Variants in RAD23A observed in about 807,000 individuals in gnomAD.
The protein encoded by RAD23A is RAD23 nucleotide excision repair protein A.
Under a neutral mutation model 44.8 loss-of-function variants are expected in RAD23A, and 16 were observed. The observed-to-expected ratio is 0.36, with a 90% CI of 0.24 to 0.54. The LOEUF (loss-of-function observed/expected upper bound fraction) is 0.54, where lower values mean the gene tolerates loss of function less well. Among genes scored for constraint, RAD23A ranks in the 20% least tolerant of loss-of-function variants. RAD23A has a pLI of 0.89. For missense variants in RAD23A, 380 were observed against 483.3 expected, an observed-to-expected ratio of 0.79 and a Z score of 2.00; for synonymous variants, 217 against 202.9, an observed-to-expected ratio of 1.07 and a Z score of -0.59.
chr19:12,953,341 C>T lies in RAD23A; in HGVS notation c.*292C>T. On this transcript the variant is annotated 3_prime_UTR_variant, in exon 9 of 9. Coordinates refer to ENST00000586534, the MANE Select transcript of RAD23A (RefSeq NM_005053.4). The stretch of plus-strand genomic sequence containing the variant: ...CCCTCTTGGCCTCTGTCCCAGCTCT[C>T]TGCAGCCAGACGGAAAGGCGGCTGC... 1 of 239,830 alleles carries T rather than the reference C, an allele frequency of 4.2e-6. No homozygotes were observed. Among genetic ancestry groups the T allele is most frequent in the Non-Finnish European group, 7.8e-6 (1 of 127,732 alleles). 14.9% of individuals were successfully genotyped at this position (239,830 alleles called of 1,614,324 possible).
At chr19:12,946,080 CGGG>C in intron 1 of RAD23A, 60 bp downstream of exon 1, 1 of 198,782 alleles carries the variant, frequency 5.0e-6, no homozygotes, top group Non-Finnish European at 9.2e-6. Context: ...GGGGTGGGGG[CGGG>C]GAGGCTAGAA....
chr19:12,947,410 C>T (rs1211144208), intron 1 of RAD23A, among the ~76,000 whole-genome samples: 2 of 152,192 alleles, frequency 1.3e-5, no homozygotes, highest in East Asian at 1.9e-4. Flanking sequence ...TGGGCGGCAG[C>T]GAGATCCTGC....
At chr19:12,952,340 T>C (rs1971836000) in intron 7 of RAD23A, 1 of 193,630 alleles carries the variant, frequency 5.2e-6, no homozygotes, top group African/African-American at 2.4e-5. Context: ...TACAGGCGTC[T>C]GCCACCACAC....
In RAD23A at chr19:12,952,953, C is replaced by T. The variant is rs1971857295; in HGVS notation, c.996C>T (p.Phe332=). 1 of 1,613,898 alleles carries T rather than the reference C, an allele frequency of 6.2e-7. No homozygotes were observed. Among genetic ancestry groups the T allele is most frequent in the Non-Finnish European group, 8.5e-7 (1 of 1,179,988 alleles). Residue 332 remains phenylalanine (F), a synonymous_variant, in exon 9 of 9, where the codon TTC becomes TTT. Coordinates refer to ENST00000586534, the MANE Select transcript of RAD23A (RefSeq NM_005053.4). Reference sequence around the variant, plus strand: ...TCCCACAGTTGAAGGCCCTGGGCTTCCCAGAGAGCCTGGTCATCCAGGCCT... The same window carrying T: ...TCCCACAGTTGAAGGCCCTGGGCTTTCCAGAGAGCCTGGTCATCCAGGCCT... ...EAIERLKALG[F]PESLVIQAYF... is the part of the protein sequence containing the mutation.
Position 12,948,547 on chromosome 19 carries a change from C to T in RAD23A, c.467C>T (p.Thr156Met), listed in dbSNP as rs1030984404. 7 of 1,594,182 alleles carry T rather than the reference C, an allele frequency of 4.4e-6. No homozygotes were observed. The highest frequency in any genetic ancestry group is 1.1e-5 in the South Asian group (1 of 88,812). Reference sequence around the variant, plus strand: ...GGGCGAGAGGAAGACGCGGCCTCCACGCTAGGTGGGTGGGTGGTCCCCAGG... The same window carrying T: ...GGGCGAGAGGAAGACGCGGCCTCCATGCTAGGTGGGTGGGTGGTCCCCAGG... ...SSGREEDAAS[T>M]LVTGSEYETM... Residue 156 changes from threonine (T) to methionine (M), a missense_variant, in exon 4 of 9, where the codon ACG becomes ATG. By Grantham distance (81) the Thr-to-Met change is moderately conservative. Around this residue, in one of 3 missense-constraint regions of RAD23A, gnomAD observed 279 missense variants for 313.7 expected, o/e 0.89. Transcript: ENST00000586534. The surrounding 1 kb of genome is among the most constrained non-coding windows in gnomAD (Gnocchi z 5.5).
chr19:12,952,133 G>A (rs1302136971), intron 7 of RAD23A, among the ~76,000 whole-genome samples: 3 of 152,174 alleles, frequency 2.0e-5, no homozygotes, highest in Admixed American at 2.0e-4. Context: ...ATATTGGCCA[G>A]GCTGGTCTCG....
intron 1 of RAD23A, among the ~76,000 whole-genome samples, chr19:12,947,250 C>CT (rs1491438497): frequency 2.7e-3 from 84 of 30,792 alleles, no homozygotes; most frequent in African/African-American, 6.0e-3. Context: ...TAGGGAGACT[C>CT]TTATCTACAA....
chr19:12,946,926 G>T (rs555919600), intron 1 of RAD23A, among the ~76,000 whole-genome samples: 2 of 152,236 alleles, frequency 1.3e-5, no homozygotes, highest in South Asian at 4.1e-4. Flanking sequence ...TGAACCGGTC[G>T]CCTGCTGGCT....
intron 1 of RAD23A, among the ~76,000 whole-genome samples, chr19:12,947,267 ATTATTT>A (rs1971695678): frequency 6.6e-6 from 1 of 152,042 alleles, no homozygotes; most frequent in South Asian, 2.1e-4. Context: ...ACAAAAAAAA[ATTATTT>A]TTAATTAGTC....
At position 12,948,696 on chromosome 19, in the gene RAD23A, T is replaced by C; in HGVS notation, c.483T>C (p.Ser161=). 1 of 1,612,650 alleles carries C rather than the reference T, an allele frequency of 6.2e-7. No individual in the cohort carries two copies. Among genetic ancestry groups the C allele is most frequent in the African/African-American group, 1.3e-5 (1 of 74,990 alleles). ...CTGCTTCCTCCACAGTGACGGGCTC[T>C]GAGTATGAGACGATGCTGACGGAGA... ...EDAASTLVTG[S]EYETMLTEIM... The change falls in exon 5 of 9, where the codon TCT becomes TCC. Residue 161 remains serine, a synonymous_variant. Transcript: ENST00000586534. The surrounding 1 kb of genome is among the most constrained non-coding windows in gnomAD (Gnocchi z 5.5).
chr19:12,953,249 C>T lies in RAD23A; in HGVS notation c.*200C>T, dbSNP rs1971865409. On this transcript the variant is annotated 3_prime_UTR_variant, in exon 9 of 9. Transcript: ENST00000586534. ...CCATCTCCCGGGCCAGACAGCTGTC[C>T]CCCCGTCCTCCTCCCCAGCCCAGCC... 4.7e-6 allele frequency: 2 copies of T among 423,236 alleles called. No homozygotes were observed. The highest frequency in any genetic ancestry group is 3.9e-5 in the East Asian group (1 of 25,338). The allele number at this position is 423,236 out of a possible 1,614,324, so 26.2% of individuals were successfully genotyped here.
At chr19:12,950,462 T>C (rs1250677107) in intron 7 of RAD23A, among the ~76,000 whole-genome samples, 1 of 152,010 alleles carries the variant, frequency 6.6e-6, no homozygotes, top group East Asian at 1.9e-4. Context: ...TGGAGTGCAA[T>C]GGCGCAATCC....
At chr19:12,946,074 T>TTGGGGGGGTGGGGGGGGGGGGGG in intron 1 of RAD23A, 54 bp downstream of exon 1, 1 of 131,766 alleles carries the variant, frequency 7.6e-6, no homozygotes, top group Non-Finnish European at 1.4e-5. Context: ...GGGGGTGGGG[T>TTGGGGGGGTGGGGGGGGGGGGGG]GGGGGCGGGG....
Position 12,948,090 on chromosome 19 carries a change from G to A in RAD23A, c.234+81G>A. The A allele has an allele frequency of 1.9e-6, 3 of 1,607,676 alleles. No homozygotes were observed. The South Asian group carries it at 3.3e-5, about 18-fold the overall frequency. On this transcript the variant is annotated intron_variant, in intron 2 of 8. Coordinates refer to ENST00000586534, the MANE Select transcript of RAD23A (RefSeq NM_005053.4). This position sits in a 1 kb window ranked among gnomAD's most constrained non-coding sequence, Gnocchi z 5.5. ...GAGCCTGTGTGCCCAGGAGAGATTAGCTGTGAACAGGGCGGGGCCACAGCG... is the reference window on the plus strand; with the variant it reads ...GAGCCTGTGTGCCCAGGAGAGATTAACTGTGAACAGGGCGGGGCCACAGCG...
chr19:12,946,084 G>GGGGGGGGGGGGGC lies in RAD23A; in HGVS notation c.72+64_72+65insGGGGGGGGGGGGC. 98 of 512,006 alleles carry GGGGGGGGGGGGGC rather than the reference G, an allele frequency of 1.9e-4. 1 individual carries two copies. The highest frequency in any genetic ancestry group is 5.9e-4 in the Middle Eastern group (1 of 1,690). 31.7% of individuals were successfully genotyped at this position (512,006 alleles called of 1,614,324 possible). ...GTTTCGGGGGTGGGGTGGGGGCGGG[G>GGGGGGGGGGGGGC]AGGCTAGAATCCCAACGGGAGGGGC... On this transcript the variant is annotated intron_variant, in intron 1 of 8. Coordinates refer to ENST00000586534, the MANE Select transcript of RAD23A (RefSeq NM_005053.4).
In RAD23A at chr19:12,948,115, G is replaced by C. The variant is rs1034367117; in HGVS notation, c.235-62G>C. ...GCTGTGAACAGGGCGGGGCCACAGC[G>C]GAGCGGGTTGTTGGGTCTGATAGGG... On this transcript the variant is annotated intron_variant, in intron 2 of 8. Coordinates refer to ENST00000586534, the MANE Select transcript of RAD23A (RefSeq NM_005053.4). This position sits in a 1 kb window ranked among gnomAD's most constrained non-coding sequence, Gnocchi z 5.5. The C allele has an allele frequency of 1.9e-6, 3 of 1,609,042 alleles. No individual in the cohort carries two copies. In the Admixed American group the frequency reaches 5.0e-5, roughly 27 times the overall value.
chr19:12,953,263 C>G lies in RAD23A; in HGVS notation c.*214C>G. On this transcript the variant is annotated 3_prime_UTR_variant, in exon 9 of 9. Coordinates refer to ENST00000586534, the MANE Select transcript of RAD23A (RefSeq NM_005053.4). ...AGACAGCTGTCCCCCCGTCCTCCTC[C>G]CCAGCCCAGCCTGCTCAGAGAAGCT... 2.5e-6 allele frequency: 1 copy of G among 397,410 alleles called. No individual in the cohort carries two copies. The highest frequency in any genetic ancestry group is 4.4e-6 in the Non-Finnish European group (1 of 228,604). 24.6% of individuals were successfully genotyped at this position (397,410 alleles called of 1,614,324 possible).
At chr19:12,947,086 T>C (rs1971691551) in intron 1 of RAD23A, among the ~76,000 whole-genome samples, 1 of 152,112 alleles carries the variant, frequency 6.6e-6, no homozygotes. Context: ...CAATTAAACG[T>C]ATTTCATAGG....
In RAD23A at chr19:12,949,072, C is replaced by G; in HGVS notation, c.601-9C>G. Reference sequence around the variant, plus strand: ...TCTGTGCATTAGAACTAAACAGGACCCCTGACAGGGAATTCCTGGGAGCCC... The same window carrying G: ...TCTGTGCATTAGAACTAAACAGGACGCCTGACAGGGAATTCCTGGGAGCCC... On this transcript the variant is annotated splice_polypyrimidine_tract_variant and intron_variant, in intron 5 of 8. Transcript: ENST00000586534. The G allele has an allele frequency of 2.5e-6, 4 of 1,609,662 alleles. No homozygotes were observed. Among genetic ancestry groups the G allele is most frequent in the Non-Finnish European group, 3.4e-6 (4 of 1,178,048 alleles).
Sources: allele counts gnomAD v4.1 joint callset (sites outside exome capture counted in the v4.1 genomes callset), GRCh38; gene constraint gnomAD v4.1.1; regional missense constraint gnomAD v4.1.1; non-coding constraint Gnocchi (gnomAD v3.1); transcripts MANE v1.5; gene names NCBI Gene and HGNC (gene_info 2026-07-23, HGNC 2026-07-21).